SLC4A4: variants seen among roughly 807,000 people sequenced by gnomAD.
SLC4A4 encodes the protein solute carrier family 4 member 4, also known as electrogenic sodium bicarbonate cotransporter 1.
SLC4A4 carries 27 observed loss-of-function variants against 111.5 expected under a neutral mutation model. That is an observed-to-expected ratio of 0.24 (90% CI 0.18 to 0.33). The LOEUF (loss-of-function observed/expected upper bound fraction) is 0.33, where lower values mean the gene tolerates loss of function less well. Among genes scored for constraint, SLC4A4 ranks in the 10% least tolerant of loss-of-function variants. SLC4A4 has a pLI of 1.00. For synonymous variants in SLC4A4, 443 were observed against 463.4 expected, an observed-to-expected ratio of 0.96 and a Z score of 0.57; for missense variants, 909 against 1,315.5, an observed-to-expected ratio of 0.69 and a Z score of 4.78.
At chr4:71,073,855 G>A (rs1741733153) in intron 1 of SLC4A4, among the ~76,000 whole-genome samples, 2 of 152,016 alleles carry the variant, frequency 1.3e-5, no homozygotes, top group Non-Finnish European at 2.9e-5. Context: ...AGGCTGAGGC[G>A]GGTTGACCAC....
intron 22 of SLC4A4, among the ~76,000 whole-genome samples, chr4:71,558,617 A>C (rs527962831): frequency 1.7e-4 from 26 of 152,080 alleles, no homozygotes; most frequent in Non-Finnish European, 2.9e-4. Context: ...ACAAGTCACA[A>C]AGGGAGCCTC....
At chr4:71,375,852 G>A (rs1213512012) in intron 6 of SLC4A4, among the ~76,000 whole-genome samples, 11 of 151,712 alleles carry the variant, frequency 7.3e-5, no homozygotes, top group Admixed American at 2.0e-4. Flanking sequence ...GAGTAGTGGC[G>A]GAGATCATGT....
chr4:71,136,612 G>C (rs182604108), intron 2 of SLC4A4, among the ~76,000 whole-genome samples: 2 of 152,278 alleles, frequency 1.3e-5, no homozygotes, highest in East Asian at 3.9e-4. Context: ...GGGTTCTGCT[G>C]TCAGACGAAC....
intron 12 of SLC4A4, among the ~76,000 whole-genome samples, chr4:71,465,882 G>A (rs1460582246): frequency 6.6e-6 from 1 of 152,092 alleles, no homozygotes; most frequent in African/African-American, 2.4e-5. Flanking sequence ...TAATGAGAAT[G>A]TCTTTTGAAA....
At chr4:71,189,196 C>T (rs1745622738) in intron 1 of SLC4A4, among the ~76,000 whole-genome samples, 1 of 152,110 alleles carries the variant, frequency 6.6e-6, no homozygotes, top group Non-Finnish European at 1.5e-5. Context: ...AAGTGTACTT[C>T]AGAATGAGGG....
rs183648244 is a variant in SLC4A4 at position 71,269,716 on chromosome 4, G to A, written c.253+14317G>A. On this transcript the variant is annotated intron_variant, in intron 3 of 25. Coordinates refer to ENST00000264485, the MANE Select transcript of SLC4A4 (RefSeq NM_001098484.3). ...TTTAATCCTCGTAAGAACCTTGTGA[G>A]AAATATAATGCCAGTGTTATTTTTC... Among the ~76,000 whole-genome samples, 1,029 of 152,280 alleles carry A rather than the reference G, an allele frequency of 6.8e-3. 13 individuals are homozygous for A. The highest frequency in any genetic ancestry group is 0.024 in the African/African-American group (984 of 41,556).
At chr4:71,242,525 C>T (rs1349218253) in intron 2 of SLC4A4, among the ~76,000 whole-genome samples, 1 of 152,064 alleles carries the variant, frequency 6.6e-6, no homozygotes, top group Non-Finnish European at 1.5e-5. Flanking sequence ...AGCAATGGAG[C>T]ATGTCATTCA....
intron 16 of SLC4A4, among the ~76,000 whole-genome samples, chr4:71,513,269 T>C (rs1274742741): frequency 6.6e-6 from 1 of 152,140 alleles, no homozygotes; most frequent in Non-Finnish European, 1.5e-5. Context: ...GATCCATGAG[T>C]GTGGGAAGTT....
chr4:71,328,733 T>C (rs1278768684), intron 3 of SLC4A4, among the ~76,000 whole-genome samples: 1 of 152,158 alleles, frequency 6.6e-6, no homozygotes, highest in Non-Finnish European at 1.5e-5. Flanking sequence ...CCTTGTCAGA[T>C]GGGTAGTTTA....
rs979999964 is a variant in SLC4A4, at chr4:71,422,937, C to A, written c.808-17679C>A. Among the ~76,000 whole-genome samples, 1,437 of 152,162 alleles carry A rather than the reference C, an allele frequency of 9.4e-3. 24 individuals are homozygous for A. The highest frequency in any genetic ancestry group is 0.033 in the African/African-American group (1,381 of 41,480). Reference sequence around the variant, plus strand: ...CTTTGAAAACTGGCACAAGACAGGGCTGCCCTCTCTCACCACTCCTATTCA... The same window carrying A: ...CTTTGAAAACTGGCACAAGACAGGGATGCCCTCTCTCACCACTCCTATTCA... On this transcript the variant is annotated intron_variant, in intron 7 of 25. Transcript: ENST00000264485.
intron 7 of SLC4A4, among the ~76,000 whole-genome samples, chr4:71,416,491 C>A (rs140439297): frequency 1.3e-4 from 20 of 152,088 alleles, no homozygotes; most frequent in Admixed American, 4.6e-4. Flanking sequence ...ATTTTCAGAC[C>A]CTGCTTGACC....
At chr4:71,092,012 T>G (rs1364810482) in intron 1 of SLC4A4, among the ~76,000 whole-genome samples, 1 of 152,234 alleles carries the variant, frequency 6.6e-6, no homozygotes, top group East Asian at 1.9e-4. Context: ...AGTGGCCATC[T>G]TCAAGGGAGT....
chr4:71,329,022 A>G (rs1350316914), intron 3 of SLC4A4, among the ~76,000 whole-genome samples: 3 of 152,000 alleles, frequency 2.0e-5, no homozygotes, highest in Admixed American at 2.0e-4. Flanking sequence ...GTCTAGTTTT[A>G]TTTTTCTGCA....
chr4:71,241,466 A>T (rs1720215856), intron 2 of SLC4A4, among the ~76,000 whole-genome samples: 1 of 152,156 alleles, frequency 6.6e-6, no homozygotes, highest in Non-Finnish European at 1.5e-5. Flanking sequence ...TATGATGATC[A>T]TCTACTCGTG....
At chr4:71,130,991 A>G (rs1051816624) in intron 2 of SLC4A4, among the ~76,000 whole-genome samples, 2 of 152,216 alleles carry the variant, frequency 1.3e-5, no homozygotes, top group African/African-American at 2.4e-5. Context: ...CCGTGCTGAG[A>G]ATGTAATCCC....
At chr4:71,207,901 G>A (rs192809245) in intron 1 of SLC4A4, among the ~76,000 whole-genome samples, 1 of 152,224 alleles carries the variant, frequency 6.6e-6, no homozygotes, top group East Asian at 1.9e-4. Flanking sequence ...CAGTCTGCAC[G>A]TCTTAGGCTC....
At chr4:71,144,593 T>A (rs1468880800) in intron 2 of SLC4A4, among the ~76,000 whole-genome samples, 1 of 151,726 alleles carries the variant, frequency 6.6e-6, no homozygotes, top group Non-Finnish European at 1.5e-5. Context: ...GGAATGTTCT[T>A]CCATTTGTTT....
intron 7 of SLC4A4, among the ~76,000 whole-genome samples, chr4:71,435,513 A>G (rs1448323843): frequency 6.6e-6 from 1 of 152,174 alleles, no homozygotes; most frequent in Admixed American, 6.5e-5. Flanking sequence ...AGACTTCATG[A>G]CTAAAACACC....
At chr4:71,478,667 G>A (rs1728594019) in intron 14 of SLC4A4, among the ~76,000 whole-genome samples, 1 of 151,270 alleles carries the variant, frequency 6.6e-6, no homozygotes, top group Non-Finnish European at 1.5e-5. Flanking sequence ...TGGGTTGATG[G>A]GTACAGCAAA....
Sources: allele counts gnomAD v4.1 joint callset (sites outside exome capture counted in the v4.1 genomes callset), GRCh38; gene constraint gnomAD v4.1.1; transcripts MANE v1.5; gene names NCBI Gene and HGNC (gene_info 2026-07-23, HGNC 2026-07-21).